The following EBF2 variants were observed in gnomAD, a reference collection of about 807,000 sequenced individuals.
EBF2 encodes EBF transcription factor 2.
EBF2 carries 21 observed loss-of-function variants against 72.8 expected under a neutral mutation model. The ratio of observed to expected loss-of-function variants is 0.29; its 90% CI spans 0.20 to 0.42. EBF2 has a LOEUF of 0.42. Among genes scored for constraint, EBF2 ranks in the 10% least tolerant of loss-of-function variants. EBF2 has a pLI of 1.00. For missense variants in EBF2, 637 were observed against 731.2 expected (o/e 0.87, Z 1.49); for synonymous variants, 299 against 274.2 (o/e 1.09, Z -0.89).
At chr8:25,938,375 GA>G (rs555008923) in intron 6 of EBF2, among the ~76,000 whole-genome samples, 2,106 of 130,426 alleles carry the variant, frequency 0.016, 43 homozygotes, top group African/African-American at 0.053. Context: ...CTCTTACTTT[GA>G]AAAAAAAAAA....
intron 15 of EBF2, among the ~76,000 whole-genome samples, chr8:25,845,715 T>C (rs1050011094): frequency 2.0e-5 from 3 of 152,250 alleles, no homozygotes; most frequent in African/African-American, 7.2e-5. Flanking sequence ...TCCTCCTGCC[T>C]TGGCTTTCAG....
At position 26,042,287 on chromosome 8, in the gene EBF2, G is replaced by A. The variant is rs552166418; in HGVS notation, c.132-36C>T. ...AGAAAAACGGGGGAACACAAGACAC[G>A]GGGAAGCACAAAAAGGCGATGTTAC... On this transcript the variant is annotated intron_variant, in intron 1 of 15. Coordinates refer to ENST00000520164, the MANE Select transcript of EBF2 (RefSeq NM_022659.4). 4.7e-4 allele frequency: 745 copies of A among 1,589,050 alleles called. 4 individuals carry two copies. In the South Asian group the frequency reaches 7.7e-3, roughly 16 times the overall value.
At chr8:25,899,733 C>T (rs11787344) in intron 7 of EBF2, among the ~76,000 whole-genome samples, 70,726 of 152,028 alleles carry the variant, frequency 0.47, 18,524 homozygotes, top group East Asian at 0.73. Context: ...CGACTAATGG[C>T]TCGTGCCCAG....
intron 6 of EBF2, among the ~76,000 whole-genome samples, chr8:25,920,764 G>A (rs925250071): frequency 1.3e-5 from 2 of 151,390 alleles, no homozygotes; most frequent in Non-Finnish European, 1.5e-5. Flanking sequence ...TTTATATTTT[G>A]GCAGGAGGAT....
chr8:26,041,983 C>A, intron 2 of EBF2, 112 bp downstream of exon 2: 4 of 1,459,642 alleles, frequency 2.7e-6, no homozygotes, highest in Non-Finnish European at 3.7e-6. Flanking sequence ...CTCGATTTAT[C>A]ATCCCTGATG....
Position 25,889,894 on chromosome 8 carries a change from A to G in EBF2, c.634-25T>C, listed in dbSNP as rs1396728197. 1.9e-6 allele frequency: 3 copies of G among 1,593,710 alleles called. No homozygotes were observed. In the African/African-American group the frequency reaches 4.0e-5, roughly 21 times the overall value. On this transcript the variant is annotated intron_variant, in intron 7 of 15. Coordinates refer to ENST00000520164, the MANE Select transcript of EBF2 (RefSeq NM_022659.4). ...CCTGCATATTTAAAGTAAAAAGGAG[A>G]AAGGGGGTGCAGTGGAATTAGTTTC...
chr8:25,963,908 G>A (rs1326302796), intron 6 of EBF2, among the ~76,000 whole-genome samples: 1 of 152,090 alleles, frequency 6.6e-6, no homozygotes, highest in Non-Finnish European at 1.5e-5. Context: ...CTCTAGTTTA[G>A]CCTCTTGTGA....
rs187180720 is a variant in EBF2 at position 25,959,479 on chromosome 8, A to T, written c.552-50924T>A. Among the ~76,000 whole-genome samples, 18 of 152,382 alleles carry T rather than the reference A, an allele frequency of 1.2e-4. No homozygotes were observed. In the East Asian group the frequency reaches 3.5e-3, roughly 29 times the overall value. ...CTCAGCCTCCCAAAGTGCTGGGATT[A>T]CAGGCATGAGCCACAAGGCCTGGCC... On this transcript the variant is annotated intron_variant, in intron 6 of 15. Coordinates refer to ENST00000520164, the MANE Select transcript of EBF2 (RefSeq NM_022659.4).
chr8:26,027,772 A>G (rs1032486888), intron 6 of EBF2, among the ~76,000 whole-genome samples: 1 of 152,134 alleles, frequency 6.6e-6, no homozygotes, highest in African/African-American at 2.4e-5. Flanking sequence ...ACGGAATATC[A>G]TTTGGCCTTT....
intron 6 of EBF2, among the ~76,000 whole-genome samples, chr8:25,914,126 T>C (rs1456851179): frequency 6.6e-6 from 1 of 152,206 alleles, no homozygotes; most frequent in Non-Finnish European, 1.5e-5. Flanking sequence ...AGAAGCCTAC[T>C]GGGTGGCCAC....
intron 6 of EBF2, among the ~76,000 whole-genome samples, chr8:25,923,566 C>A (rs1803339273): frequency 6.6e-6 from 1 of 152,128 alleles, no homozygotes. Context: ...AGTGATAAGC[C>A]TGCTTCAAGT....
intron 6 of EBF2, among the ~76,000 whole-genome samples, chr8:25,958,693 T>C (rs1323587528): frequency 6.6e-6 from 1 of 152,208 alleles, no homozygotes; most frequent in Admixed American, 6.5e-5. Context: ...AATCTGAGCC[T>C]CCACTCCATG....
At chr8:25,922,970 T>A (rs1352491469) in intron 6 of EBF2, among the ~76,000 whole-genome samples, 1 of 140,068 alleles carries the variant, frequency 7.1e-6, no homozygotes, top group Non-Finnish European at 1.5e-5. Context: ...AAAAAAAAAA[T>A]TCATCCGTTG....
intron 10 of EBF2, among the ~76,000 whole-genome samples, chr8:25,875,839 G>A (rs1237843036): frequency 1.3e-5 from 2 of 152,174 alleles, no homozygotes; most frequent in Admixed American, 6.5e-5. Context: ...CAACCACTGT[G>A]GAAGACAGTG....
intron 6 of EBF2, among the ~76,000 whole-genome samples, chr8:25,984,526 T>G (rs1326268308): frequency 2.0e-5 from 3 of 151,950 alleles, no homozygotes; most frequent in African/African-American, 7.3e-5. Flanking sequence ...TACCAAAAAT[T>G]TAAAAATTAG....
intron 6 of EBF2, among the ~76,000 whole-genome samples, chr8:26,005,561 T>TATATAGAGAGAGAGAG (rs375386709): frequency 0.034 from 2,150 of 63,828 alleles, 84 homozygotes; most frequent in South Asian, 0.045. Context: ...TATATATATA[T>TATATAGAGAGAGAGAG]AGAGAGAGAG....
chr8:25,985,436 C>T (rs911692548), intron 6 of EBF2, among the ~76,000 whole-genome samples: 1 of 152,176 alleles, frequency 6.6e-6, no homozygotes, highest in African/African-American at 2.4e-5. Context: ...GTCAGCCTCG[C>T]TCTAATGACG....
intron 6 of EBF2, among the ~76,000 whole-genome samples, chr8:25,920,489 G>T (rs1309979821): frequency 1.3e-5 from 2 of 152,186 alleles, no homozygotes; most frequent in African/African-American, 4.8e-5. Context: ...AGTTGGGTTT[G>T]GGGTTGTGTT....
In EBF2 at chr8:25,992,324, A is replaced by C. The variant is rs1370201198; in HGVS notation, c.551+40761T>G. 9.1e-5 allele frequency among the ~76,000 whole-genome samples: 10 copies of C among 110,164 alleles called. 1 individual carries two copies. The Admixed American group carries it at 1.4e-3, about 15-fold the overall frequency. The allele number at this position is 110,164 out of a possible 152,430, so 72.3% of individuals were successfully genotyped here. A position where few individuals can be genotyped will look rare whatever the true frequency, so the allele number is the denominator to read the frequency against. ...ACTCCAGCCTGGGCAACAGCGTGAG[A>C]CTCTGTCTCAAAAAAAAAAAAAAAA... On this transcript the variant is annotated intron_variant, in intron 6 of 15. Coordinates refer to ENST00000520164, the MANE Select transcript of EBF2 (RefSeq NM_022659.4).
Sources: gnomAD v4.1 joint callset for allele counts (sites outside exome capture counted in the v4.1 genomes callset) on GRCh38, gnomAD v4.1.1 for gene constraint, MANE v1.5 for transcripts, NCBI Gene and HGNC (gene_info 2026-07-23, HGNC 2026-07-21) for gene names.